The following TTC22 variants were observed in gnomAD, a reference collection of about 807,000 sequenced individuals.
TTC22 encodes the protein tetratricopeptide repeat domain 22, also known as tetratricopeptide repeat protein 22.
TTC22 carries 42 observed loss-of-function variants against 48.2 expected under a neutral mutation model. That is an observed-to-expected ratio of 0.87 (90% CI 0.68 to 1.13). The LOEUF (loss-of-function observed/expected upper bound fraction) is 1.13, where lower values mean the gene tolerates loss of function less well. Ranked by LOEUF, TTC22 falls within the 50% of genes most tolerant of loss-of-function variation. The pLI is 0.00. For missense variants in TTC22, 784 were observed against 807.0 expected (o/e 0.97, Z 0.34); for synonymous variants, 345 against 365.5 (o/e 0.94, Z 0.64).
Position 54,785,929 on chromosome 1 carries a change from C to T in TTC22, c.1020+54G>A, listed in dbSNP as rs900853782. On this transcript the variant is annotated intron_variant, in intron 5 of 6. Transcript: ENST00000371276. Reference sequence around the variant, plus strand: ...TGGCAACAGGGTCTTGGCCTCTGGCCCTTGTTCTCTGATTCCCAATGGCAG... The same window carrying T: ...TGGCAACAGGGTCTTGGCCTCTGGCTCTTGTTCTCTGATTCCCAATGGCAG... 2.5e-6 allele frequency: 4 copies of T among 1,570,400 alleles called. No individual in the cohort carries two copies. In the African/African-American group the frequency reaches 5.4e-5, roughly 21 times the overall value.
chr1:54,784,906 G>T, intron 5 of TTC22: 1 of 731,626 alleles, frequency 1.4e-6, no homozygotes, highest in South Asian at 1.9e-5. Context: ...ACCTAAGTGT[G>T]TAACTTGCAG....
chr1:54,785,491 G>A (rs961340709), intron 5 of TTC22: 2 of 439,428 alleles, frequency 4.6e-6, no homozygotes, highest in African/African-American at 4.1e-5. Context: ...CCTGCAGTGA[G>A]TGGAGGCTCC....
intron 3 of TTC22, 45 bp from the exon 4 acceptor site, chr1:54,787,120 G>A: frequency 9.1e-7 from 1 of 1,100,010 alleles, no homozygotes; most frequent in South Asian, 1.7e-5. Flanking sequence ...GCAGCAGGGT[G>A]GAGAGAGGGA....
At chr1:54,790,802 T>G (rs994931896) in intron 1 of TTC22, among the ~76,000 whole-genome samples, 6 of 151,832 alleles carry the variant, frequency 4.0e-5, no homozygotes, top group Admixed American at 2.6e-4. Context: ...TCTTTCTTCT[T>G]TCTTCTTCTT....
intron 1 of TTC22, among the ~76,000 whole-genome samples, chr1:54,792,120 G>A (rs190599615): frequency 1.8e-4 from 27 of 152,348 alleles, no homozygotes; most frequent in Non-Finnish European, 3.2e-4. Context: ...AATTGCAGGG[G>A]CAACTCCTAA....
At chr1:54,787,157 C>T (rs183763787) in intron 3 of TTC22, 82 bp from the exon 4 acceptor site, 2 of 683,598 alleles carry the variant, frequency 2.9e-6, no homozygotes, top group African/African-American at 1.9e-5. Flanking sequence ...CTAGGTGTCA[C>T]CCATGAAGAC....
Position 54,781,640 on chromosome 1 carries a change from C to T in TTC22, c.1313G>A (p.Arg438His). The change falls in exon 7 of 7, where the codon CGC becomes CAC. Residue 438 changes from arginine (R) to histidine (H), a missense_variant. Arg to His is a conservative substitution (Grantham distance 29, BLOSUM62 0). Transcript: ENST00000371276. Reference sequence around the variant, plus strand: ...GCCCTTGATGCGCAGGCACTTGCCGCGCAGCAGCTGCAGCTCGGGCAGCGT... The same window carrying T: ...GCCCTTGATGCGCAGGCACTTGCCGTGCAGCAGCTGCAGCTCGGGCAGCGT... ...GATLPELQLL[R>H]GKCLRIKGED... 6.5e-7 allele frequency: 1 copy of T among 1,530,692 alleles called. No homozygotes were observed. Among genetic ancestry groups the T allele is most frequent in the Non-Finnish European group, 8.7e-7 (1 of 1,144,208 alleles). 94.8% of individuals were successfully genotyped at this position (1,530,692 alleles called of 1,614,324 possible). A position where few individuals can be genotyped will look rare whatever the true frequency, so the allele number is the denominator to read the frequency against.
intron 1 of TTC22, chr1:54,794,702 C>T (rs1001402410): frequency 5.3e-5 from 8 of 152,158 alleles, no homozygotes; most frequent in African/African-American, 1.9e-4. Flanking sequence ...CTCACAGCAG[C>T]CTCAGAAGGT....
Position 54,801,015 on chromosome 1 carries a change from C to G in TTC22, c.149G>C (p.Arg50Pro), listed in dbSNP as rs1004599203. Residue 50 changes from arginine to proline, a missense_variant, in exon 1 of 7, where the codon CGG becomes CCG. Physicochemically the swap from Arg to Pro is moderately radical, Grantham distance 103. Transcript: ENST00000371276. The stretch of plus-strand genomic sequence containing the variant: ...CTGGAGCTCCTGCCGCAGACCCTCC[C>G]GCTGCAGCTTCAGGTCCCGGGCGCG... ...PQRARDLKLQ[R>P]EGLRQELQLA... 4 of 1,610,514 alleles carry G rather than the reference C, an allele frequency of 2.5e-6. No individual in the cohort carries two copies. The highest frequency in any genetic ancestry group is 3.4e-6 in the Non-Finnish European group (4 of 1,179,236).
chr1:54,781,030 T>G lies in TTC22; in HGVS notation c.*213A>C, dbSNP rs964154004. On this transcript the variant is annotated 3_prime_UTR_variant, in exon 7 of 7. Coordinates refer to ENST00000371276, the MANE Select transcript of TTC22 (RefSeq NM_001114108.2). ...TGTTTTCTCACCTCTGCTCCCAGCC[T>G]CTTCTGCTCTCGGGAATCAGGCCTT... 7.5e-6 allele frequency: 3 copies of G among 401,468 alleles called. No individual in the cohort carries two copies. The highest frequency in any genetic ancestry group is 6.2e-5 in the African/African-American group (3 of 48,030). 24.9% of individuals were successfully genotyped at this position (401,468 alleles called of 1,614,324 possible).
At chr1:54,788,404 C>T (rs1341104290) in intron 1 of TTC22, among the ~76,000 whole-genome samples, 4 of 151,930 alleles carry the variant, frequency 2.6e-5, no homozygotes, top group Non-Finnish European at 5.9e-5. Flanking sequence ...GCGCACACCC[C>T]ACTGCCCACC....
chr1:54,787,060 T>C lies in TTC22; in HGVS notation c.755A>G (p.Tyr252Cys), dbSNP rs762871744. ...DPRHRALAWC[Y>C]LGMLLERKDT... ...CTTCCGCTCCAGCAGCATCCCGAGG[T>C]AGCACCAGGCCAGGGCTGGGGGTGA... The change falls in exon 4 of 7, where the codon TAC (tyrosine) becomes TGC (cysteine). Residue 252 changes from tyrosine to cysteine, a missense_variant. Coordinates refer to ENST00000371276, the MANE Select transcript of TTC22 (RefSeq NM_001114108.2). The C allele has an allele frequency of 1.2e-5, 19 of 1,528,190 alleles. No homozygotes were observed. In the Admixed American group the frequency reaches 3.8e-4, roughly 30 times the overall value. 94.7% of individuals were successfully genotyped at this position (1,528,190 alleles called of 1,614,324 possible). A position where few individuals can be genotyped will look rare whatever the true frequency, so the allele number is the denominator to read the frequency against.
At chr1:54,782,287 C>G (rs2101437819) in intron 6 of TTC22, 38 bp downstream of exon 6, 1 of 1,488,180 alleles carries the variant, frequency 6.7e-7, no homozygotes, top group Non-Finnish European at 9.0e-7. Flanking sequence ...TAAACAGATT[C>G]TTGCTCAGCT....
rs1374492181 is a variant in TTC22 at position 54,787,674 on chromosome 1, C to G, written c.739+37G>C. ...ATGCCAGCGGGCTGTTGGCAGGGGG[C>G]AGAGGCTGCTGTCCCACCCATCCCC... On this transcript the variant is annotated intron_variant, in intron 3 of 6. Coordinates refer to ENST00000371276, the MANE Select transcript of TTC22 (RefSeq NM_001114108.2). 2.0e-6 allele frequency: 3 copies of G among 1,513,252 alleles called. No individual in the cohort carries two copies. The South Asian group carries it at 3.5e-5, about 17-fold the overall frequency. 93.7% of individuals were successfully genotyped at this position (1,513,252 alleles called of 1,614,324 possible). A position where few individuals can be genotyped will look rare whatever the true frequency, so the allele number is the denominator to read the frequency against.
At chr1:54,795,071 C>T (rs1406969260) in intron 1 of TTC22, among the ~76,000 whole-genome samples, 1 of 152,220 alleles carries the variant, frequency 6.6e-6, no homozygotes, top group Non-Finnish European at 1.5e-5. Flanking sequence ...CTTCCCCACA[C>T]CCAGCTGTGG....
At chr1:54,787,620 A>G in intron 3 of TTC22, 91 bp downstream of exon 3, 1 of 903,956 alleles carries the variant, frequency 1.1e-6, no homozygotes, top group Non-Finnish European at 1.8e-6. Context: ...AGGAGCCAAG[A>G]AGGGGAGGTA....
chr1:54,782,662 A>G (rs749118094), intron 5 of TTC22, among the ~76,000 whole-genome samples, 185 bp from the exon 6 acceptor site: 3 of 152,206 alleles, frequency 2.0e-5, no homozygotes, highest in African/African-American at 7.2e-5. Flanking sequence ...TGGGTTAGCC[A>G]TACCCTCTTT....
At chr1:54,798,533 C>A (rs993303096) in intron 1 of TTC22, among the ~76,000 whole-genome samples, 1 of 152,238 alleles carries the variant, frequency 6.6e-6, no homozygotes, top group African/African-American at 2.4e-5. Context: ...TTGCCAATGA[C>A]ACAGGCCTGT....
At chr1:54,790,982 C>T (rs1345334764) in intron 1 of TTC22, among the ~76,000 whole-genome samples, 1 of 152,180 alleles carries the variant, frequency 6.6e-6, no homozygotes. Flanking sequence ...GCCTCAGCCT[C>T]CCGAGTAGCT....
Sources: allele counts gnomAD v4.1 joint callset (sites outside exome capture counted in the v4.1 genomes callset), GRCh38; gene constraint gnomAD v4.1.1; transcripts MANE v1.5; gene names NCBI Gene and HGNC (gene_info 2026-07-23, HGNC 2026-07-21).